PILRA: variants seen among roughly 807,000 people sequenced by gnomAD.
PILRA encodes the protein paired immunoglobin like type 2 receptor alpha.
In PILRA, 37 loss-of-function variants were observed where a neutral mutation model predicts 33.1. The ratio of observed to expected loss-of-function variants is 1.12; its 90% CI spans 0.86 to 1.47. The LOEUF is 1.47. PILRA is among the 40% of genes most tolerant of loss of function. The pLI, the probability that PILRA is intolerant of heterozygous loss-of-function variation, is 0.00. For synonymous variants in PILRA, 146 were observed against 149.9 expected, an observed-to-expected ratio of 0.97 and a Z score of 0.19; for missense variants, 312 against 376.2, an observed-to-expected ratio of 0.83 and a Z score of 1.41.
Position 100,374,428 on chromosome 7 carries a change from C to T in PILRA, c.449C>T (p.Thr150Ile), listed in dbSNP as rs1790899115. Residue 150 changes from threonine to isoleucine, a missense_variant, in exon 2 of 7, where the codon ACC becomes ATC. Coordinates refer to ENST00000198536, the MANE Select transcript of PILRA (RefSeq NM_013439.3). ...QSIEGTKLSI[T>I]QAVTTTTQRP... is the part of the protein sequence containing the mutation. ...ATCGAGGGGACCAAACTCTCCATCACCCAGGGTGAGTCCAGCTGCCCTGGC... is the reference window on the plus strand; with the variant it reads ...ATCGAGGGGACCAAACTCTCCATCATCCAGGGTGAGTCCAGCTGCCCTGGC... 6.2e-7 allele frequency: 1 copy of T among 1,613,960 alleles called. No individual in the cohort carries two copies. Among genetic ancestry groups the T allele is most frequent in the Non-Finnish European group, 8.5e-7 (1 of 1,179,992 alleles).
At chr7:100,376,664 G>A (rs1790956255) in intron 2 of PILRA, among the ~76,000 whole-genome samples, 1 of 148,220 alleles carries the variant, frequency 6.7e-6, no homozygotes, top group African/African-American at 2.5e-5. Flanking sequence ...GTTTCACCAT[G>A]TTAGCCAGGC....
At chr7:100,377,402 G>A (rs986093647) in intron 2 of PILRA, among the ~76,000 whole-genome samples, 3 of 151,430 alleles carry the variant, frequency 2.0e-5, no homozygotes, top group Admixed American at 1.3e-4. Context: ...CACCGTGCCC[G>A]ACTAATTTTT....
intron 3 of PILRA, among the ~76,000 whole-genome samples, chr7:100,392,099 A>C (rs1358001892): frequency 7.2e-5 from 11 of 152,210 alleles, no homozygotes; most frequent in Non-Finnish European, 1.6e-4. Context: ...AGTTGAGCCC[A>C]GGAGTGTGAG....
chr7:100,398,115 C>T (rs1462539033), intron 4 of PILRA, among the ~76,000 whole-genome samples: 6 of 152,236 alleles, frequency 3.9e-5, no homozygotes, highest in Non-Finnish European at 7.3e-5. Flanking sequence ...CCCCTAAATA[C>T]TAGACTAGTG....
At chr7:100,393,695 A>G (rs1352317899) in intron 3 of PILRA, among the ~76,000 whole-genome samples, 2 of 152,064 alleles carry the variant, frequency 1.3e-5, no homozygotes, top group Non-Finnish European at 2.9e-5. Flanking sequence ...TCAGGTTCCT[A>G]CCTTTCTGAT....
intron 2 of PILRA, among the ~76,000 whole-genome samples, chr7:100,385,663 CTT>C (rs1791236689): frequency 1.3e-5 from 2 of 151,908 alleles, no homozygotes; most frequent in South Asian, 4.1e-4. Flanking sequence ...GAGTTTTGCT[CTT>C]GTTGCCCAGG....
chr7:100,380,641 T>A (rs1249530645), intron 2 of PILRA, among the ~76,000 whole-genome samples: 1 of 151,946 alleles, frequency 6.6e-6, no homozygotes, highest in Non-Finnish European at 1.5e-5. Flanking sequence ...ATAGCAAGAC[T>A]CTGTCTCTAT....
upstream of PILRA, among the ~76,000 whole-genome samples, chr7:100,372,922 C>A (rs1183680693): frequency 6.6e-6 from 1 of 151,930 alleles, no homozygotes; most frequent in Non-Finnish European, 1.5e-5. Flanking sequence ...TCTTGGGGGT[C>A]AAGGGGTGGC....
At chr7:100,390,422 GGA>G (rs1791366451) in intron 3 of PILRA, among the ~76,000 whole-genome samples, 1 of 152,136 alleles carries the variant, frequency 6.6e-6, no homozygotes, top group South Asian at 2.1e-4. Flanking sequence ...CCTGGGAAAA[GGA>G]GAGAGAGAGC....
At chr7:100,375,203 C>G (rs1207084460) in intron 2 of PILRA, among the ~76,000 whole-genome samples, 1 of 152,154 alleles carries the variant, frequency 6.6e-6, no homozygotes, top group Non-Finnish European at 1.5e-5. Context: ...TCTGTCCTTC[C>G]CAACACTAAG....
chr7:100,397,895 A>C lies in PILRA; in HGVS notation c.690A>C (p.Lys230Asn). The change falls in exon 4 of 7, where the codon AAA becomes AAC. Residue 230 changes from lysine to asparagine, a missense_variant. Physicochemically the swap from Lys to Asn is moderately conservative, Grantham distance 94. Transcript: ENST00000198536. ...WRRRKGQQRT[K>N]ATTPAREPFQ... Reference sequence around the variant, plus strand: ...CCCCTACAGGTCAGCAGCGGACTAAAGCCACAACCCCAGCCAGGTGAGTGC... The same window carrying C: ...CCCCTACAGGTCAGCAGCGGACTAACGCCACAACCCCAGCCAGGTGAGTGC... 1 of 1,614,014 alleles carries C rather than the reference A, an allele frequency of 6.2e-7. No homozygotes were observed. The highest frequency in any genetic ancestry group is 8.5e-7 in the Non-Finnish European group (1 of 1,179,918).
At chr7:100,392,884 GA>G (rs201848886) in intron 3 of PILRA, among the ~76,000 whole-genome samples, 1 of 151,688 alleles carries the variant, frequency 6.6e-6, no homozygotes, top group Non-Finnish European at 1.5e-5. Context: ...ATTTAAATGA[GA>G]AAAAAAATAA....
At chr7:100,388,626 AT>A (rs1363735441) in intron 2 of PILRA, among the ~76,000 whole-genome samples, 7 of 151,900 alleles carry the variant, frequency 4.6e-5, no homozygotes, top group Non-Finnish European at 7.4e-5. Context: ...TGTGCCTGTG[AT>A]CCTAGCTACT....
In PILRA at chr7:100,390,075, G is replaced by C; in HGVS notation, c.642G>C (p.Leu214=). 1.2e-6 allele frequency: 2 copies of C among 1,614,056 alleles called. No individual in the cohort carries two copies. Among genetic ancestry groups the C allele is most frequent in the Non-Finnish European group, 1.7e-6 (2 of 1,179,980 alleles). The change falls in exon 3 of 7, where the codon CTG becomes CTC. Residue 214 remains leucine, a synonymous_variant. Coordinates refer to ENST00000198536, the MANE Select transcript of PILRA (RefSeq NM_013439.3). ...TGCTCGGAATCATGATTTTGGGACT[G>C]ATCTGCCTCCTCAGGTGGAGGAGAA... ...VTVLGIMILG[L]ICLLRWRRRK...
chr7:100,392,897 C>G (rs1347653527), intron 3 of PILRA, among the ~76,000 whole-genome samples: 1 of 151,956 alleles, frequency 6.6e-6, no homozygotes, highest in African/African-American at 2.4e-5. Context: ...AAAAAATAAC[C>G]CTAGTACCAG....
intron 2 of PILRA, among the ~76,000 whole-genome samples, chr7:100,376,836 A>C (rs1790961239): frequency 7.5e-6 from 1 of 133,744 alleles, no homozygotes; most frequent in East Asian, 2.1e-4. Context: ...ATCATGGCTT[A>C]CTGCAGTGTC....
rs1418678145 is a variant in PILRA at position 100,374,358 on chromosome 7, G to C, written c.379G>C (p.Val127Leu). 2 of 1,614,112 alleles carry C rather than the reference G, an allele frequency of 1.2e-6. No individual in the cohort carries two copies. The highest frequency in any genetic ancestry group is 3.3e-5 in the Admixed American group (2 of 60,026). The change falls in exon 2 of 7, where the codon GTT becomes CTT. Residue 127 changes from valine (V) to leucine (L), a missense_variant. By Grantham distance (32) the Val-to-Leu change is conservative. Transcript: ENST00000198536. Reference sequence around the variant, plus strand: ...GGACCAGTCTGTGTATTTCTGCCGAGTTGAGCTGGACACACGGAGCTCAGG... The same window carrying C: ...GGACCAGTCTGTGTATTTCTGCCGACTTGAGCTGGACACACGGAGCTCAGG... ...KQDQSVYFCRVELDTRSSGRQ... is the reference protein window; with the variant it reads ...KQDQSVYFCRLELDTRSSGRQ...
upstream of PILRA, chr7:100,373,337 G>A (rs1322265327): frequency 3.8e-6 from 2 of 531,746 alleles, no homozygotes; most frequent in African/African-American, 1.9e-5. Context: ...GCCAGCCAAG[G>A]TCAGGCCCAG....
chr7:100,371,454 C>T (rs2043253215), upstream of PILRA, among the ~76,000 whole-genome samples: 1 of 152,024 alleles, frequency 6.6e-6, no homozygotes, highest in African/African-American at 2.4e-5. Flanking sequence ...CAGAGGAAAG[C>T]AGGAACGGTG....
Sources: gnomAD v4.1 joint callset for allele counts (sites outside exome capture counted in the v4.1 genomes callset) on GRCh38, gnomAD v4.1.1 for gene constraint, MANE v1.5 for transcripts, NCBI Gene and HGNC (gene_info 2026-07-23, HGNC 2026-07-21) for gene names.